Variants in CWF19L1 observed in about 807,000 individuals in gnomAD.
CWF19L1 encodes the protein CWF19-like protein 1.
A neutral mutation model predicts 69.7 loss-of-function variants in CWF19L1; 60 were observed. That is an observed-to-expected ratio of 0.86 (90% confidence interval 0.70 to 1.07). CWF19L1 has a LOEUF of 1.07. Among genes scored for constraint, CWF19L1 ranks in the 50% least tolerant of loss-of-function variants. The probability of loss-of-function intolerance (pLI) is 0.00; values close to 1 mark genes in which losing one functional copy is unlikely to be tolerated. For missense variants in CWF19L1, 591 were observed against 638.9 expected, an observed-to-expected ratio of 0.92 and a Z score of 0.81; for synonymous variants, 209 against 222.2, an observed-to-expected ratio of 0.94 and a Z score of 0.53.
At chr10:100,262,139 T>C in intron 1 of CWF19L1, 76 bp from the exon 2 acceptor site, 30 of 1,531,904 alleles carry the variant, frequency 2.0e-5, no homozygotes, top group Non-Finnish European at 2.5e-5. Flanking sequence ...TACTGGTCTT[T>C]TGGATTAGAT....
intron 1 of CWF19L1, among the ~76,000 whole-genome samples, chr10:100,264,501 C>T (rs34762508): frequency 0.29 from 43,737 of 149,992 alleles, 7,986 homozygotes; most frequent in Non-Finnish European, 0.43. Flanking sequence ...GCTGAGATCG[C>T]GGCACTGCAC....
At chr10:100,248,606 G>C in intron 7 of CWF19L1, 1 of 741,256 alleles carries the variant, frequency 1.3e-6, no homozygotes, top group Non-Finnish European at 2.5e-6. Context: ...TATGATAAGC[G>C]TGTGCTGCTG....
chr10:100,239,918 G>C (rs925665352), intron 10 of CWF19L1, among the ~76,000 whole-genome samples: 4 of 152,086 alleles, frequency 2.6e-5, no homozygotes, highest in African/African-American at 7.2e-5. Flanking sequence ...TATTGTATTT[G>C]TTTAAAAGGT....
intron 6 of CWF19L1, among the ~76,000 whole-genome samples, chr10:100,250,904 T>A (rs775663186): frequency 6.0e-5 from 9 of 149,284 alleles, no homozygotes; most frequent in Non-Finnish European, 1.3e-4. Flanking sequence ...GCCTTGATAG[T>A]ACCTCAGCAC....
intron 11 of CWF19L1, among the ~76,000 whole-genome samples, chr10:100,237,653 A>AC (rs1846490082): frequency 6.7e-6 from 1 of 150,336 alleles, no homozygotes; most frequent in South Asian, 2.1e-4. Context: ...ACTTTATATA[A>AC]TTTTTTTTTT....
At chr10:100,253,570 GA>G in intron 5 of CWF19L1, 31 bp from the exon 6 acceptor site, 4 of 1,223,186 alleles carry the variant, frequency 3.3e-6, no homozygotes, top group Non-Finnish European at 4.8e-6. Flanking sequence ...CATCCATACA[GA>G]CCAAAAGTTA....
chr10:100,247,982 T>C (rs1846885888), intron 7 of CWF19L1, among the ~76,000 whole-genome samples: 1 of 152,024 alleles, frequency 6.6e-6, no homozygotes, highest in Non-Finnish European at 1.5e-5. Context: ...GGGTATAAAT[T>C]GGAACAAAGT....
intron 3 of CWF19L1, 41 bp from the exon 4 acceptor site, chr10:100,260,360 T>A (rs552203294): frequency 1.7e-6 from 2 of 1,156,766 alleles, no homozygotes; most frequent in Non-Finnish European, 1.3e-6. Context: ...AGTTACCAGA[T>A]CTGCTTTAGA....
At chr10:100,266,523 C>T (rs1393743673) in intron 1 of CWF19L1, among the ~76,000 whole-genome samples, 4 of 148,092 alleles carry the variant, frequency 2.7e-5, no homozygotes, top group African/African-American at 1.0e-4. Context: ...TATCTGAATT[C>T]CTTTTTTTTT....
chr10:100,233,263 T>G lies in CWF19L1; in HGVS notation c.1581A>C (p.Lys527Asn). Residue 527 changes from lysine (K) to asparagine (N), a missense_variant, in exon 14 of 14, where the codon AAA becomes AAC. Coordinates refer to ENST00000354105, the MANE Select transcript of CWF19L1 (RefSeq NM_018294.6). ...DEETLARRFR[K>N]DFEPYDFTLD... ...GAGTAAAGTCATAGGGCTCAAAGTC[T>G]TTCCGGAAGCGGCGAGCCAGGGTCT... is the stretch of plus-strand genomic sequence containing the variant. The G allele has an allele frequency of 1.2e-6, 2 of 1,613,900 alleles. No homozygotes were observed. The highest frequency in any genetic ancestry group is 1.3e-5 in the African/African-American group (1 of 75,042).
At chr10:100,257,231 A>G (rs1211289548) in intron 4 of CWF19L1, among the ~76,000 whole-genome samples, 1 of 151,440 alleles carries the variant, frequency 6.6e-6, no homozygotes, top group Non-Finnish European at 1.5e-5. Context: ...ATACTAAGAA[A>G]CTTCCTCCTC....
intron 11 of CWF19L1, among the ~76,000 whole-genome samples, chr10:100,237,758 T>C (rs1846493786): frequency 6.6e-6 from 1 of 152,094 alleles, no homozygotes; most frequent in African/African-American, 2.4e-5. Context: ...GCTATTCTCC[T>C]GTCTCAGCCT....
Position 100,235,706 on chromosome 10 carries a change from A to G in CWF19L1, c.1433T>C (p.Phe478Ser). 1 of 1,612,532 alleles carries G rather than the reference A, an allele frequency of 6.2e-7. No homozygotes were observed. Among genetic ancestry groups the G allele is most frequent in the Non-Finnish European group, 8.5e-7 (1 of 1,179,918 alleles). ...YVELDTGEKL[F>S]HRIKKNFPLQ... ...AGGAAAATTCTTTTTAATTCTGTGGAAAAGCTTTTCTCCTGTGTCAAGTTC... is the reference window on the plus strand; with the variant it reads ...AGGAAAATTCTTTTTAATTCTGTGGGAAAGCTTTTCTCCTGTGTCAAGTTC... Residue 478 changes from phenylalanine (F) to serine (S), a missense_variant, in exon 13 of 14, where the codon TTC becomes TCC. This residue lies in a region of CWF19L1 where 458 missense variants were observed against 489.3 expected (regional missense o/e 0.94). Coordinates refer to ENST00000354105, the MANE Select transcript of CWF19L1 (RefSeq NM_018294.6).
chr10:100,263,040 C>A (rs1813524771), intron 1 of CWF19L1, among the ~76,000 whole-genome samples: 1 of 152,074 alleles, frequency 6.6e-6, no homozygotes, highest in Non-Finnish European at 1.5e-5. Context: ...CACCTCACCC[C>A]CTTCCTATGG....
chr10:100,238,135 C>T lies in CWF19L1; in HGVS notation c.1141G>A (p.Val381Met), dbSNP rs1410033823. Residue 381 changes from valine to methionine, a missense_variant, in exon 11 of 14, where the codon GTG (valine) becomes ATG (methionine). By Grantham distance (21) the Val-to-Met change is conservative. This residue lies in a region of CWF19L1 where 458 missense variants were observed against 489.3 expected (regional missense o/e 0.94). Coordinates refer to ENST00000354105, the MANE Select transcript of CWF19L1 (RefSeq NM_018294.6). Reference sequence around the variant, plus strand: ...TTATACTTCTCCACCTCTTCTACCACCTCTGCTGAAAGCTCCACCACTGAC... The same window carrying T: ...TTATACTTCTCCACCTCTTCTACCATCTCTGCTGAAAGCTCCACCACTGAC... ...YQSVVELSAE[V>M]VEEVEKYKAT... 4.3e-6 allele frequency: 7 copies of T among 1,614,190 alleles called. No individual in the cohort carries two copies. Among genetic ancestry groups the T allele is most frequent in the Non-Finnish European group, 3.4e-6 (4 of 1,180,032 alleles).
intron 7 of CWF19L1, among the ~76,000 whole-genome samples, chr10:100,249,643 G>A (rs1378903003): frequency 6.6e-6 from 1 of 151,980 alleles, no homozygotes; most frequent in East Asian, 1.9e-4. Context: ...GGAGTGCAGT[G>A]GCCCGATCTC....
intron 1 of CWF19L1, among the ~76,000 whole-genome samples, chr10:100,266,231 C>T (rs1290624299): frequency 6.6e-6 from 1 of 150,414 alleles, no homozygotes; most frequent in Non-Finnish European, 1.5e-5. Flanking sequence ...CAATCTGTCA[C>T]CCAGCCTGGA....
At chr10:100,266,693 T>TTTGTGTGTG (rs199826886) in intron 1 of CWF19L1, among the ~76,000 whole-genome samples, 1 of 149,810 alleles carries the variant, frequency 6.7e-6, no homozygotes. Context: ...TTTTTTTTTT[T>TTTGTGTGTG]TGTATTAGTA....
chr10:100,236,795 C>CA, intron 12 of CWF19L1, 55 bp downstream of exon 12: 3 of 1,530,370 alleles, frequency 2.0e-6, no homozygotes, highest in Non-Finnish European at 2.6e-6. Flanking sequence ...CAACAAACAA[C>CA]AACAAAAAAA....
Sources: gnomAD v4.1 joint callset for allele counts (sites outside exome capture counted in the v4.1 genomes callset) on GRCh38, gnomAD v4.1.1 for gene constraint, gnomAD v4.1.1 regional missense constraint, MANE v1.5 for transcripts, NCBI Gene and HGNC (gene_info 2026-07-23, HGNC 2026-07-21) for gene names.